APBB2: variants seen among roughly 807,000 people sequenced by gnomAD.
The protein encoded by APBB2 is amyloid beta precursor protein binding family B member 2, also known as Fe65-like 1.
In APBB2, 38 loss-of-function variants were observed where a neutral mutation model predicts 82.5. The ratio of observed to expected loss-of-function variants is 0.46; its 90% CI spans 0.36 to 0.60. The LOEUF is 0.60. APBB2 is among the 20% of genes least tolerant of loss of function. The pLI, the probability that APBB2 is intolerant of heterozygous loss-of-function variation, is 0.00. For missense variants in APBB2, 772 were observed against 972.3 expected (o/e 0.79, Z 2.74); for synonymous variants, 341 against 368.2 (o/e 0.93, Z 0.85).
intron 3 of APBB2, among the ~76,000 whole-genome samples, chr4:41,090,708 A>G (rs3113454): frequency 0.19 from 29,091 of 152,168 alleles, 3,964 homozygotes; most frequent in East Asian, 0.61. Context: ...TCAGTATCAA[A>G]AATTTTGCCA....
intron 6 of APBB2, among the ~76,000 whole-genome samples, chr4:40,993,131 C>A (rs888562408): frequency 6.6e-6 from 1 of 152,178 alleles, no homozygotes; most frequent in Non-Finnish European, 1.5e-5. Flanking sequence ...ACAACCACCC[C>A]ACAAGGCAGA....
intron 3 of APBB2, among the ~76,000 whole-genome samples, chr4:41,075,790 C>T (rs1164964491): frequency 2.0e-5 from 3 of 152,166 alleles, no homozygotes; most frequent in Non-Finnish European, 4.4e-5. Flanking sequence ...GATAACTGAC[C>T]TTTTTTCTAT....
intron 12 of APBB2, among the ~76,000 whole-genome samples, chr4:40,889,961 T>C (rs1217209957): frequency 6.6e-6 from 1 of 152,108 alleles, no homozygotes; most frequent in Non-Finnish European, 1.5e-5. Flanking sequence ...AAGCCCTTGA[T>C]GAAGAGAACA....
chr4:41,157,062 T>C (rs1763651677), intron 1 of APBB2, among the ~76,000 whole-genome samples: 1 of 131,896 alleles, frequency 7.6e-6, no homozygotes. Flanking sequence ...AGAGACTCTG[T>C]CTCAAAAAAA....
chr4:40,901,922 T>TGTG (rs1415012501), intron 10 of APBB2, among the ~76,000 whole-genome samples: 2 of 151,704 alleles, frequency 1.3e-5, no homozygotes, highest in African/African-American at 4.8e-5. Flanking sequence ...TGTGTGTGTG[T>TGTG]GTGTGTGTGT....
chr4:40,843,017 A>T (rs2437334), intron 12 of APBB2, among the ~76,000 whole-genome samples: 1 of 151,952 alleles, frequency 6.6e-6, no homozygotes, highest in Admixed American at 6.5e-5. Context: ...TTGGGGCCAC[A>T]CTCTTGGAGT....
chr4:41,100,292 G>C (rs141580453), intron 3 of APBB2, among the ~76,000 whole-genome samples: 52 of 152,272 alleles, frequency 3.4e-4, no homozygotes, highest in African/African-American at 1.1e-3. Context: ...TAAAACACCT[G>C]AAAGCTCAGA....
chr4:41,083,742 G>C (rs1738594461), intron 3 of APBB2, among the ~76,000 whole-genome samples: 1 of 144,704 alleles, frequency 6.9e-6, no homozygotes. Context: ...AGGTCCTGTT[G>C]TAAAGGTAGA....
intron 6 of APBB2, among the ~76,000 whole-genome samples, chr4:40,955,014 G>A (rs1004084720): frequency 5.3e-5 from 8 of 152,108 alleles, no homozygotes; most frequent in African/African-American, 1.4e-4. Context: ...GAAATGTGAC[G>A]TGTGTACTCA....
At chr4:40,864,505 C>T (rs1763577501) in intron 12 of APBB2, among the ~76,000 whole-genome samples, 1 of 152,140 alleles carries the variant, frequency 6.6e-6, no homozygotes, top group African/African-American at 2.4e-5. Context: ...ATTCTCCTGC[C>T]CAATGGCCTG....
intron 6 of APBB2, among the ~76,000 whole-genome samples, chr4:41,007,956 AAAGGACTTTAT>A (rs1238510571): frequency 2.6e-5 from 4 of 152,364 alleles, no homozygotes; most frequent in East Asian, 3.9e-4. Flanking sequence ...GAATACAGAG[AAAGGACTTTAT>A]AAGGACTTTA....
chr4:41,111,990 T>C (rs1404257078), intron 2 of APBB2, among the ~76,000 whole-genome samples: 3 of 152,154 alleles, frequency 2.0e-5, no homozygotes, highest in African/African-American at 7.2e-5. Context: ...CTCTTCCAAG[T>C]GGGTCAACAG....
At chr4:41,111,376 G>A (rs1302495548) in intron 2 of APBB2, among the ~76,000 whole-genome samples, 4 of 152,230 alleles carry the variant, frequency 2.6e-5, no homozygotes, top group Admixed American at 2.6e-4. Context: ...TATGTCTGTG[G>A]TGGAGCCCAA....
intron 6 of APBB2, among the ~76,000 whole-genome samples, chr4:40,991,684 AC>A (rs1009137438): frequency 6.6e-6 from 1 of 151,862 alleles, no homozygotes; most frequent in Non-Finnish European, 1.5e-5. Flanking sequence ...TAGACTTTTC[AC>A]CCCCTCCTCC....
chr4:41,068,787 T>A (rs999927592), intron 3 of APBB2, among the ~76,000 whole-genome samples: 6 of 98,778 alleles, frequency 6.1e-5, no homozygotes, highest in East Asian at 3.4e-4. Flanking sequence ...TTACCAACCA[T>A]CTTTTTTTTT....
At chr4:40,840,795 C>A (rs1755536102) in intron 12 of APBB2, among the ~76,000 whole-genome samples, 1 of 152,140 alleles carries the variant, frequency 6.6e-6, no homozygotes, top group Admixed American at 6.5e-5. Flanking sequence ...GAATCTGTAG[C>A]CCTCTCTAGA....
At chr4:41,200,744 A>T (rs1776498071) in intron 1 of APBB2, among the ~76,000 whole-genome samples, 1 of 152,200 alleles carries the variant, frequency 6.6e-6, no homozygotes, top group African/African-American at 2.4e-5. Context: ...ATTACAACCA[A>T]ATACAGGTAG....
chr4:41,048,883 C>CG (rs1724498963), intron 4 of APBB2, among the ~76,000 whole-genome samples: 1 of 152,160 alleles, frequency 6.6e-6, no homozygotes, highest in East Asian at 1.9e-4. Context: ...CTGTGTTGGC[C>CG]GGGCTGGTCT....
intron 3 of APBB2, among the ~76,000 whole-genome samples, chr4:41,080,124 A>G (rs1293478641): frequency 6.6e-6 from 1 of 152,230 alleles, no homozygotes; most frequent in Non-Finnish European, 1.5e-5. Flanking sequence ...CAGGAACTAC[A>G]CGACTATGAA....
Sources: allele counts gnomAD v4.1 joint callset (sites outside exome capture counted in the v4.1 genomes callset), GRCh38; gene constraint gnomAD v4.1.1; transcripts MANE v1.5; gene names NCBI Gene and HGNC (gene_info 2026-07-23, HGNC 2026-07-21).